Variants in FGF10 observed in about 807,000 individuals in gnomAD.
FGF10 encodes fibroblast growth factor 10, also known as FGF-10.
Under a neutral mutation model 19.8 loss-of-function variants are expected in FGF10, and 2 were observed. That is an observed-to-expected ratio of 0.10 (90% CI 0.04 to 0.32). The LOEUF (loss-of-function observed/expected upper bound fraction) is 0.32, where lower values mean the gene tolerates loss of function less well. Ranked by LOEUF, FGF10 falls within the 10% of genes least tolerant of loss-of-function variation. FGF10 has a pLI of 1.00. For missense variants in FGF10, 191 were observed against 246.3 expected, an observed-to-expected ratio of 0.78 and a Z score of 1.50; for synonymous variants, 112 against 94.0, an observed-to-expected ratio of 1.19 and a Z score of -1.10.
At chr5:44,329,858 A>G (rs1156281415) in intron 1 of FGF10, among the ~76,000 whole-genome samples, 2 of 152,070 alleles carry the variant, frequency 1.3e-5, no homozygotes, top group Non-Finnish European at 2.9e-5. Context: ...ACAACTGTGA[A>G]TTTGCGCTAA....
intron 1 of FGF10, among the ~76,000 whole-genome samples, chr5:44,344,817 A>C (rs1741051187): frequency 6.6e-6 from 1 of 151,132 alleles, no homozygotes; most frequent in Non-Finnish European, 1.5e-5. Context: ...TGGAACTTTC[A>C]AAGGATTTCA....
rs1451209995 is a variant in FGF10, at chr5:44,301,195, A to G, written c.*3800T>C. Among the ~76,000 whole-genome samples, 1 of 151,986 alleles carries G rather than the reference A, an allele frequency of 6.6e-6. No homozygotes were observed. The highest frequency in any genetic ancestry group is 2.4e-5 in the African/African-American group (1 of 41,410). On this transcript the variant is annotated 3_prime_UTR_variant, in exon 3 of 3. Coordinates refer to ENST00000264664, the MANE Select transcript of FGF10 (RefSeq NM_004465.2). ...AACAAGAACTCTTAATCAATATGGT[A>G]TCTGTTTGCATGTATATGTCCTACT...
In FGF10 at chr5:44,348,740, T is replaced by C. The variant is rs375330051; in HGVS notation, c.326-38210A>G. Reference sequence around the variant, plus strand: ...GGACATATTTATAAAAAGAATCTGTTATTTATCTGAAGTCCATATTTAATT... The same window carrying C: ...GGACATATTTATAAAAAGAATCTGTCATTTATCTGAAGTCCATATTTAATT... On this transcript the variant is annotated intron_variant, in intron 1 of 2. Coordinates refer to ENST00000264664, the MANE Select transcript of FGF10 (RefSeq NM_004465.2). Among the ~76,000 whole-genome samples the C allele has an allele frequency of 5.9e-5, 9 of 151,738 alleles. No homozygotes were observed. In the South Asian group the frequency reaches 1.9e-3, roughly 31 times the overall value.
chr5:44,314,364 TA>T (rs1423547818), intron 1 of FGF10, among the ~76,000 whole-genome samples: 1 of 152,152 alleles, frequency 6.6e-6, no homozygotes, highest in Non-Finnish European at 1.5e-5. Context: ...ACATTAGAAA[TA>T]AAGTAATATT....
rs577957727 is a variant in FGF10, at chr5:44,310,216, TG to T, written c.429+210del. Among the ~76,000 whole-genome samples the T allele has an allele frequency of 9.1e-3, 1,388 of 152,210 alleles. 14 individuals are homozygous for T. The highest frequency in any genetic ancestry group is 0.013 in the Non-Finnish European group (867 of 68,008). ...TCACAGACAAATGCCAGCAGCAGCC[TG>T]TGTGGTAGACTAATGGGTGAACAAC... On this transcript the variant is annotated intron_variant, in intron 2 of 2. Coordinates refer to ENST00000264664, the MANE Select transcript of FGF10 (RefSeq NM_004465.2).
intron 1 of FGF10, among the ~76,000 whole-genome samples, chr5:44,322,755 A>G (rs1408906115): frequency 1.3e-5 from 2 of 151,858 alleles, no homozygotes; most frequent in Non-Finnish European, 2.9e-5. Flanking sequence ...CCAAAATGAG[A>G]TTATGGAGTA....
chr5:44,387,527 A>C (rs962360280), intron 1 of FGF10, among the ~76,000 whole-genome samples: 1 of 152,228 alleles, frequency 6.6e-6, no homozygotes, highest in Non-Finnish European at 1.5e-5. Context: ...CCAGTCCCAG[A>C]TGTTTACAAT....
In FGF10 at chr5:44,305,070, T is replaced by G; in HGVS notation, c.552A>C (p.Gly184=). 6.2e-7 allele frequency: 1 copy of G among 1,614,036 alleles called. No homozygotes were observed. The highest frequency in any genetic ancestry group is 2.2e-5 in the East Asian group (1 of 44,860). ...RQMYVALNGK[G]APRRGQKTRR... is the part of the protein sequence containing the mutation. Reference sequence around the variant, plus strand: ...GTGTTTTCTGTCCTCTCCTTGGAGCTCCTTTTCCATTCAATGCCACATACA... The same window carrying G: ...GTGTTTTCTGTCCTCTCCTTGGAGCGCCTTTTCCATTCAATGCCACATACA... The change falls in exon 3 of 3, where the codon GGA becomes GGC. Residue 184 remains glycine, a synonymous_variant. Transcript: ENST00000264664.
At chr5:44,322,525 C>T (rs181977466) in intron 1 of FGF10, among the ~76,000 whole-genome samples, 104 of 152,234 alleles carry the variant, frequency 6.8e-4, no homozygotes, top group African/African-American at 2.4e-3. Context: ...TATGAATAAG[C>T]CAGGTGAATG....
intron 1 of FGF10, among the ~76,000 whole-genome samples, chr5:44,380,357 A>G (rs1741957544): frequency 6.6e-6 from 1 of 152,238 alleles, no homozygotes; most frequent in African/African-American, 2.4e-5. Flanking sequence ...TAATTCATCA[A>G]TCAGTGCCAA....
intron 1 of FGF10, among the ~76,000 whole-genome samples, chr5:44,344,548 G>T (rs1741039962): frequency 1.1e-5 from 1 of 94,040 alleles, no homozygotes; most frequent in Admixed American, 9.7e-5. Context: ...CAAAATTAGG[G>T]TTTTACTGTT....
chr5:44,350,423 C>T (rs1234068761), intron 1 of FGF10, among the ~76,000 whole-genome samples: 1 of 150,304 alleles, frequency 6.7e-6, no homozygotes, highest in African/African-American at 2.4e-5. Context: ...AGAAATTCAC[C>T]AAAATAGAAC....
At position 44,303,855 on chromosome 5, in the gene FGF10, G is replaced by C. The variant is rs1349117122; in HGVS notation, c.*1140C>G. On this transcript the variant is annotated 3_prime_UTR_variant, in exon 3 of 3. Coordinates refer to ENST00000264664, the MANE Select transcript of FGF10 (RefSeq NM_004465.2). ...TCCTTTGGGAAAGATGCATTATGTGGAATTTACAGAGGGTTTTTAGAGATG... is the reference window on the plus strand; with the variant it reads ...TCCTTTGGGAAAGATGCATTATGTGCAATTTACAGAGGGTTTTTAGAGATG... 10 of 152,178 alleles carry C rather than the reference G, an allele frequency of 6.6e-5. No individual in the cohort carries two copies. The highest frequency in any genetic ancestry group is 5.2e-4 in the Admixed American group (8 of 15,260). The allele number at this position is 152,178 out of a possible 1,614,324, so 9.4% of individuals were successfully genotyped here.
At chr5:44,348,386 G>T (rs572015976) in intron 1 of FGF10, among the ~76,000 whole-genome samples, 1 of 151,722 alleles carries the variant, frequency 6.6e-6, no homozygotes, top group Admixed American at 6.6e-5. Context: ...TACTAATGGA[G>T]TAGTCTCACC....
At chr5:44,351,403 CAG>C (rs918304877) in intron 1 of FGF10, among the ~76,000 whole-genome samples, 4 of 151,568 alleles carry the variant, frequency 2.6e-5, no homozygotes, top group Non-Finnish European at 5.9e-5. Flanking sequence ...ATATCAATAA[CAG>C]ATGTCACCTT....
At chr5:44,386,214 A>G (rs192268135) in intron 1 of FGF10, among the ~76,000 whole-genome samples, 1 of 152,264 alleles carries the variant, frequency 6.6e-6, no homozygotes, top group East Asian at 1.9e-4. Context: ...TTTACTCTGC[A>G]GCTAATCACA....
Position 44,304,884 on chromosome 5 carries a change from A to G in FGF10, c.*111T>C. ...AAGGCTGGCTTTCTTTTAAGCAAGC[A>G]GACATCTGCAACGTGTCTTTGCCTT... On this transcript the variant is annotated 3_prime_UTR_variant, in exon 3 of 3. Transcript: ENST00000264664. 1 of 1,075,096 alleles carries G rather than the reference A, an allele frequency of 9.3e-7. No homozygotes were observed. The highest frequency in any genetic ancestry group is 1.4e-6 in the Non-Finnish European group (1 of 695,750). 66.6% of individuals were successfully genotyped at this position (1,075,096 alleles called of 1,614,324 possible). A position where few individuals can be genotyped will look rare whatever the true frequency, so the allele number is the denominator to read the frequency against.
intron 1 of FGF10, among the ~76,000 whole-genome samples, chr5:44,359,771 CT>C (rs1425759912): frequency 6.6e-6 from 1 of 151,310 alleles, no homozygotes; most frequent in Non-Finnish European, 1.5e-5. Context: ...CAAGTGAGGG[CT>C]TTGATGGTAC....
At chr5:44,375,105 A>G (rs1741824222) in intron 1 of FGF10, among the ~76,000 whole-genome samples, 3 of 152,204 alleles carry the variant, frequency 2.0e-5, no homozygotes, top group Non-Finnish European at 4.4e-5. Context: ...TAAGTTGACC[A>G]AGATCATATG....
Sources: gnomAD v4.1 joint callset for allele counts (sites outside exome capture counted in the v4.1 genomes callset) on GRCh38, gnomAD v4.1.1 for gene constraint, MANE v1.5 for transcripts, NCBI Gene and HGNC (gene_info 2026-07-23, HGNC 2026-07-21) for gene names.